Variants in L2HGDH observed in about 807,000 individuals in gnomAD.
L2HGDH encodes L-2-hydroxyglutarate dehydrogenase, also known as L-2-hydroxyglutarate dehydrogenase, mitochondrial.
L2HGDH carries 34 observed loss-of-function variants against 51.5 expected under a neutral mutation model. That is an observed-to-expected ratio of 0.66 (90% CI 0.50 to 0.88). The LOEUF (loss-of-function observed/expected upper bound fraction) is 0.88. Among genes scored for constraint, L2HGDH ranks in the 40% least tolerant of loss-of-function variants. The probability of loss-of-function intolerance (pLI) is 0.00; values close to 1 mark genes in which losing one functional copy is unlikely to be tolerated. For synonymous variants in L2HGDH, 198 were observed against 197.9 expected (o/e 1.00, Z -0.01); for missense variants, 558 against 571.9 (o/e 0.98, Z 0.25).
rs899062329 is a variant in L2HGDH at position 50,244,958 on chromosome 14, G to A, written c.*2100C>T. Reference sequence around the variant, plus strand: ...GTACTCAAAGTTCTGCAGTCAGGTCGCCACATTTTCATTTACAATTTCTAT... The same window carrying A: ...GTACTCAAAGTTCTGCAGTCAGGTCACCACATTTTCATTTACAATTTCTAT... On this transcript the variant is annotated 3_prime_UTR_variant, in exon 10 of 10. Coordinates refer to ENST00000267436, the MANE Select transcript of L2HGDH (RefSeq NM_024884.3). 6 of 985,254 alleles carry A rather than the reference G, an allele frequency of 6.1e-6. No individual in the cohort carries two copies. The highest frequency in any genetic ancestry group is 3.5e-5 in the African/African-American group (2 of 57,170). The allele number at this position is 985,254 out of a possible 1,614,324, so 61.0% of individuals were successfully genotyped here.
Position 50,265,509 on chromosome 14 carries a change from A to G in L2HGDH, c.1065-20T>C, listed in dbSNP as rs745454561. The G allele has an allele frequency of 3.4e-5, 55 of 1,605,472 alleles. No individual in the cohort carries two copies. In the South Asian group the frequency reaches 5.6e-4, roughly 16 times the overall value. On this transcript the variant is annotated intron_variant, in intron 8 of 9. Coordinates refer to ENST00000267436, the MANE Select transcript of L2HGDH (RefSeq NM_024884.3). ...AAGCCACTGAAAACAGAGAAAAAAA[A>G]TCTTTATGAGAGAAAGGAATTCTTT...
chr14:50,243,532 A>G lies in L2HGDH; in HGVS notation c.*3526T>C, dbSNP rs1277949565. On this transcript the variant is annotated 3_prime_UTR_variant, in exon 10 of 10. Transcript: ENST00000267436. ...TATACATTTCTTCTGTCAGAAATAC[A>G]TAAAACTTTATTATATCAGTATTAA... 6.8e-6 allele frequency: 5 copies of G among 735,966 alleles called. No homozygotes were observed. The highest frequency in any genetic ancestry group is 1.3e-4 in the East Asian group (1 of 7,646). The allele number at this position is 735,966 out of a possible 1,614,324, so 45.6% of individuals were successfully genotyped here.
chr14:50,265,584 C>CA, intron 8 of L2HGDH, 95 bp from the exon 9 acceptor site: 1 of 1,168,982 alleles, frequency 8.6e-7, no homozygotes, highest in Admixed American at 2.3e-5. Context: ...TATGTCATCA[C>CA]AAAAATCTAG....
intron 1 of L2HGDH, among the ~76,000 whole-genome samples, chr14:50,310,936 C>CTTTTTTTTTTTTTTTTTTTTTTT (rs34399906): frequency 3.8e-4 from 31 of 82,240 alleles, no homozygotes; most frequent in Non-Finnish European, 5.9e-4. Flanking sequence ...CTTTTCTTTT[C>CTTTTTTTTTTTTTTTTTTTTTTT]TTTTTTTTTT....
chr14:50,266,521 T>C (rs940016881), intron 8 of L2HGDH, among the ~76,000 whole-genome samples: 1 of 152,148 alleles, frequency 6.6e-6, no homozygotes, highest in Non-Finnish European at 1.5e-5. Flanking sequence ...CATCTGCCTG[T>C]AGTTCCAGCT....
chr14:50,265,492 G>A lies in L2HGDH; in HGVS notation c.1065-3C>T. On this transcript the variant is annotated splice_polypyrimidine_tract_variant and splice_region_variant and intron_variant, in intron 8 of 9. Transcript: ENST00000267436. ...GGGATGCCAGTTTAATCAAGCCACT[G>A]AAAACAGAGAAAAAAAATCTTTATG... 8 of 1,610,410 alleles carry A rather than the reference G, an allele frequency of 5.0e-6. No homozygotes were observed. The highest frequency in any genetic ancestry group is 6.8e-6 in the Non-Finnish European group (8 of 1,177,820).
rs761336361 is a variant in L2HGDH, at chr14:50,278,566, G to T, written c.704-12C>A. ...TGGATATTGCATTCCTGAAAAAAAA[G>T]AATAAGTGAAAAATTTATTTTTAGC... On this transcript the variant is annotated splice_polypyrimidine_tract_variant and intron_variant, in intron 5 of 9. Coordinates refer to ENST00000267436, the MANE Select transcript of L2HGDH (RefSeq NM_024884.3). 1.5e-6 allele frequency: 2 copies of T among 1,337,974 alleles called. No homozygotes were observed. Among genetic ancestry groups the T allele is most frequent in the South Asian group, 1.3e-5 (1 of 79,708 alleles). The allele number at this position is 1,337,974 out of a possible 1,614,324, so 82.9% of individuals were successfully genotyped here.
At chr14:50,308,063 T>C (rs1396760865) in intron 1 of L2HGDH, among the ~76,000 whole-genome samples, 1 of 152,112 alleles carries the variant, frequency 6.6e-6, no homozygotes, top group Non-Finnish European at 1.5e-5. Flanking sequence ...CCCAAAGGAC[T>C]CATACATAAA....
chr14:50,306,779 A>C (rs1219098068), intron 1 of L2HGDH, among the ~76,000 whole-genome samples: 1 of 151,960 alleles, frequency 6.6e-6, no homozygotes. Flanking sequence ...AGGAAAGAAA[A>C]GCAGGGCTGG....
At chr14:50,260,853 C>T (rs891036923) in intron 9 of L2HGDH, among the ~76,000 whole-genome samples, 1 of 152,130 alleles carries the variant, frequency 6.6e-6, no homozygotes, top group Non-Finnish European at 1.5e-5. Flanking sequence ...CGGTAGCTCA[C>T]ACCTGTAATC....
At chr14:50,307,373 A>C (rs1489084161) in intron 1 of L2HGDH, among the ~76,000 whole-genome samples, 2 of 152,214 alleles carry the variant, frequency 1.3e-5, no homozygotes, top group Non-Finnish European at 2.9e-5. Flanking sequence ...AAAATCATTG[A>C]AATATGTTTC....
intron 4 of L2HGDH, among the ~76,000 whole-genome samples, chr14:50,291,831 T>C (rs951868246): frequency 2.0e-5 from 3 of 152,168 alleles, no homozygotes; most frequent in African/African-American, 7.2e-5. Context: ...GGATTAAACA[T>C]TGGATCAACC....
chr14:50,309,821 T>C (rs758383939), intron 1 of L2HGDH, among the ~76,000 whole-genome samples: 1 of 151,856 alleles, frequency 6.6e-6, no homozygotes, highest in East Asian at 1.9e-4. Flanking sequence ...TGGCTGGGAC[T>C]ACAGGAGCAA....
intron 8 of L2HGDH, among the ~76,000 whole-genome samples, chr14:50,267,434 G>C (rs141957010): frequency 6.6e-6 from 1 of 152,040 alleles, no homozygotes; most frequent in Non-Finnish European, 1.5e-5. Context: ...CACCTGCCTC[G>C]GCCTCCCAGA....
chr14:50,309,315 T>C (rs2030914717), intron 1 of L2HGDH, among the ~76,000 whole-genome samples: 1 of 152,128 alleles, frequency 6.6e-6, no homozygotes, highest in Non-Finnish European at 1.5e-5. Context: ...GTAATCCCAA[T>C]ACTTTGGGAG....
intron 6 of L2HGDH, among the ~76,000 whole-genome samples, chr14:50,272,193 G>A (rs1401787020): frequency 6.6e-6 from 1 of 152,098 alleles, no homozygotes; most frequent in Admixed American, 6.6e-5. Context: ...CTGGTAAGTG[G>A]ACCCCCCAAT....
chr14:50,270,251 TATC>T (rs1889593874), intron 6 of L2HGDH, among the ~76,000 whole-genome samples: 1 of 152,210 alleles, frequency 6.6e-6, no homozygotes, highest in Non-Finnish European at 1.5e-5. Flanking sequence ...ATTTTGTGAT[TATC>T]ATCTGCTTAT....
intron 3 of L2HGDH, among the ~76,000 whole-genome samples, chr14:50,295,949 G>C (rs1174925166): frequency 1.3e-5 from 2 of 151,686 alleles, no homozygotes; most frequent in African/African-American, 4.8e-5. Flanking sequence ...ATGTTGGACA[G>C]GCTGGTCTCG....
At chr14:50,280,763 C>G (rs1890223385) in intron 5 of L2HGDH, among the ~76,000 whole-genome samples, 1 of 151,948 alleles carries the variant, frequency 6.6e-6, no homozygotes, top group African/African-American at 2.4e-5. Context: ...CTCCACCCAC[C>G]TTGGCCTCCC....
Sources: gnomAD v4.1 joint callset for allele counts (sites outside exome capture counted in the v4.1 genomes callset) on GRCh38, gnomAD v4.1.1 for gene constraint, MANE v1.5 for transcripts, NCBI Gene and HGNC (gene_info 2026-07-23, HGNC 2026-07-21) for gene names.